SH3GL3: variants seen among roughly 807,000 people sequenced by gnomAD.
SH3GL3 encodes SH3 domain containing GRB2 like 3, endophilin A3.
In SH3GL3, 33 loss-of-function variants were observed where a neutral mutation model predicts 47.7. The observed-to-expected ratio is 0.69, with a 90% CI of 0.52 to 0.92. The LOEUF is 0.92. SH3GL3 is among the 40% of genes least tolerant of loss of function. The probability of loss-of-function intolerance (pLI) is 0.00; values close to 1 mark genes in which losing one functional copy is unlikely to be tolerated. For synonymous variants in SH3GL3, 155 were observed against 148.8 expected, an observed-to-expected ratio of 1.04 and a Z score of -0.30; for missense variants, 363 against 417.8, an observed-to-expected ratio of 0.87 and a Z score of 1.14.
At chr15:83,511,050 G>A (rs1395929315) in intron 1 of SH3GL3, among the ~76,000 whole-genome samples, 1 of 152,124 alleles carries the variant, frequency 6.6e-6, no homozygotes, top group African/African-American at 2.4e-5. Flanking sequence ...TAAATGACAA[G>A]TTAATGGTTG....
intron 1 of SH3GL3, among the ~76,000 whole-genome samples, chr15:83,543,755 G>A (rs775027789): frequency 4.6e-5 from 7 of 151,976 alleles, no homozygotes; most frequent in East Asian, 1.9e-4. Context: ...TAGGTTGTAC[G>A]TGTCTAGGAA....
intron 1 of SH3GL3, among the ~76,000 whole-genome samples, chr15:83,483,715 A>C (rs939259717): frequency 6.6e-6 from 1 of 152,200 alleles, no homozygotes; most frequent in African/African-American, 2.4e-5. Context: ...CATTACCCTC[A>C]TCAGTAACTA....
rs907716557 is a variant in SH3GL3 at position 83,484,494 on chromosome 15, A to C, written c.45+36916A>C. ...ATTAAGTTTTTAAAAAATCCATATTAAATCTATATTTATGAAATTGCTGAA... is the reference window on the plus strand; with the variant it reads ...ATTAAGTTTTTAAAAAATCCATATTCAATCTATATTTATGAAATTGCTGAA... On this transcript the variant is annotated intron_variant, in intron 1 of 8. Transcript: ENST00000427482. Among the ~76,000 whole-genome samples, 61 of 152,160 alleles carry C rather than the reference A, an allele frequency of 4.0e-4. 1 individual carries two copies. The highest frequency in any genetic ancestry group is 1.4e-3 in the African/African-American group (58 of 41,450).
chr15:83,468,678 C>G (rs1486909468), intron 1 of SH3GL3, among the ~76,000 whole-genome samples: 1 of 152,124 alleles, frequency 6.6e-6, no homozygotes, highest in Non-Finnish European at 1.5e-5. Flanking sequence ...AAAAACTGAA[C>G]CAGCAAAACC....
At chr15:83,613,700 G>A (rs998286199) in intron 8 of SH3GL3, among the ~76,000 whole-genome samples, 3 of 151,796 alleles carry the variant, frequency 2.0e-5, no homozygotes, top group Non-Finnish European at 2.9e-5. Context: ...CAGTGTGTCA[G>A]CCTATGAAAT....
chr15:83,497,724 C>T (rs1002112921), intron 1 of SH3GL3, among the ~76,000 whole-genome samples: 3 of 152,186 alleles, frequency 2.0e-5, no homozygotes, highest in African/African-American at 7.2e-5. Flanking sequence ...TCACTGTCAA[C>T]CAATGTAATC....
At position 83,618,648 on chromosome 15, in the gene SH3GL3, C is replaced by T. The variant is rs1275555734; in HGVS notation, c.*361C>T. ...CTAAGAAATGCTAAATATTTTGTTT[C>T]TCGACATTCCTGATGACGTCTGGTC... On this transcript the variant is annotated 3_prime_UTR_variant, in exon 9 of 9. Transcript: ENST00000427482. The T allele has an allele frequency of 8.8e-6, 2 of 226,754 alleles. No individual in the cohort carries two copies. Among genetic ancestry groups the T allele is most frequent in the Non-Finnish European group, 1.8e-5 (2 of 113,080 alleles). 14.0% of individuals were successfully genotyped at this position (226,754 alleles called of 1,614,324 possible).
At chr15:83,513,794 G>T (rs1263971131) in intron 1 of SH3GL3, among the ~76,000 whole-genome samples, 1 of 152,154 alleles carries the variant, frequency 6.6e-6, no homozygotes, top group Non-Finnish European at 1.5e-5. Context: ...AACCTGAGCA[G>T]AAAATCATAA....
rs756331470 is a variant in SH3GL3 at position 83,576,608 on chromosome 15, G to A, written c.491G>A (p.Arg164His). 1.1e-5 allele frequency: 18 copies of A among 1,610,082 alleles called. 1 individual carries two copies. The highest frequency in any genetic ancestry group is 1.7e-4 in the Middle Eastern group (1 of 6,034). The stretch of plus-strand genomic sequence containing the variant: ...CATCACCTGAAAAAGCTGGAAGGCC[G>A]CCGCCTGGATTACGATTATAAAAAG... ...IGHHLKKLEG[R>H]RLDYDYKKKR... The change falls in exon 6 of 9, where the codon CGC (arginine) becomes CAC (histidine). Residue 164 changes from arginine (R) to histidine (H), a missense_variant. Arg to His is a conservative substitution (Grantham distance 29). Transcript: ENST00000427482.
intron 1 of SH3GL3, among the ~76,000 whole-genome samples, chr15:83,545,130 TACC>T (rs2044336036): frequency 6.6e-6 from 1 of 152,216 alleles, no homozygotes; most frequent in South Asian, 2.1e-4. Context: ...TCTCATTCTC[TACC>T]TCCTCTTTAA....
At chr15:83,556,596 A>G (rs944223258) in intron 1 of SH3GL3, among the ~76,000 whole-genome samples, 157 of 152,280 alleles carry the variant, frequency 1.0e-3, no homozygotes, top group African/African-American at 3.3e-3. Flanking sequence ...AGCCAAAGGG[A>G]TTTTCAAATG....
At chr15:83,450,208 C>T (rs1014223209) in intron 1 of SH3GL3, among the ~76,000 whole-genome samples, 9 of 152,166 alleles carry the variant, frequency 5.9e-5, no homozygotes, top group Non-Finnish European at 1.2e-4. Context: ...GGTTTCACAA[C>T]TCTGTGAATA....
intron 8 of SH3GL3, among the ~76,000 whole-genome samples, chr15:83,607,029 T>A (rs1181031765): frequency 6.6e-6 from 1 of 152,186 alleles, no homozygotes; most frequent in Admixed American, 6.5e-5. Context: ...GAAGGAAGAT[T>A]TAGAGAGGGA....
chr15:83,576,487 G>T lies in SH3GL3; in HGVS notation c.466-96G>T, dbSNP rs1288907353. On this transcript the variant is annotated intron_variant, in intron 5 of 8. Coordinates refer to ENST00000427482, the MANE Select transcript of SH3GL3 (RefSeq NM_003027.5). ...TGGGTTCCTGCCCTCTGGAATCTAG[G>T]CCGAGAAAAAGCAATGACCATTTTA... is the stretch of plus-strand genomic sequence containing the variant. 8 of 1,187,786 alleles carry T rather than the reference G, an allele frequency of 6.7e-6. No individual in the cohort carries two copies. In the Admixed American group the frequency reaches 2.1e-4, roughly 32 times the overall value. 73.6% of individuals were successfully genotyped at this position (1,187,786 alleles called of 1,614,324 possible). A position where few individuals can be genotyped will look rare whatever the true frequency, so the allele number is the denominator to read the frequency against.
chr15:83,542,162 G>A (rs1034099740), intron 1 of SH3GL3, among the ~76,000 whole-genome samples: 20 of 152,244 alleles, frequency 1.3e-4, no homozygotes, highest in East Asian at 1.2e-3. Flanking sequence ...GAGAGATAGG[G>A]ATCTAGTTTC....
intron 1 of SH3GL3, among the ~76,000 whole-genome samples, chr15:83,512,748 C>A (rs972193563): frequency 6.6e-5 from 10 of 151,976 alleles, no homozygotes; most frequent in Admixed American, 5.9e-4. Flanking sequence ...ATGTAGTCAG[C>A]GCTCTGTTTT....
chr15:83,560,580 G>A lies in SH3GL3; in HGVS notation c.114+1259G>A, dbSNP rs545492065. 3.9e-5 allele frequency among the ~76,000 whole-genome samples: 6 copies of A among 152,266 alleles called. No individual in the cohort carries two copies. The South Asian group carries it at 1.2e-3, about 32-fold the overall frequency. The stretch of plus-strand genomic sequence containing the variant: ...TTTTTCCAGAGTTTTAGTTTTGGTT[G>A]ATGGATTGAGATCCTTCTTGCTTAC... On this transcript the variant is annotated intron_variant, in intron 2 of 8. Coordinates refer to ENST00000427482, the MANE Select transcript of SH3GL3 (RefSeq NM_003027.5).
chr15:83,627,000 C>T, the SH3GL3 span, among the ~76,000 whole-genome samples: 72 of 152,254 alleles, frequency 4.7e-4, no homozygotes, highest in African/African-American at 1.6e-3. Context: ...ATCAACATTC[C>T]CTCTGTGGCT....
intron 1 of SH3GL3, among the ~76,000 whole-genome samples, chr15:83,503,882 AT>A (rs1369381262): frequency 6.6e-6 from 1 of 152,204 alleles, no homozygotes; most frequent in Non-Finnish European, 1.5e-5. Flanking sequence ...GAAAAGGCGC[AT>A]TTCCCCATGT....
Sources: allele counts gnomAD v4.1 joint callset (sites outside exome capture counted in the v4.1 genomes callset), GRCh38; gene constraint gnomAD v4.1.1; transcripts MANE v1.5; gene names NCBI Gene and HGNC (gene_info 2026-07-23, HGNC 2026-07-21).